KANK4: variants seen among roughly 807,000 people sequenced by gnomAD.
The protein encoded by KANK4 is KN motif and ankyrin repeat domains 4.
In KANK4, 50 loss-of-function variants were observed where a neutral mutation model predicts 80.8. The ratio of observed to expected loss-of-function variants is 0.62; its 90% CI spans 0.49 to 0.78. KANK4 has a LOEUF of 0.78. Among genes scored for constraint, KANK4 ranks in the 30% least tolerant of loss-of-function variants. KANK4 has a pLI of 0.00. For missense variants in KANK4, 1,196 were observed against 1,240.1 expected (o/e 0.96, Z 0.53); for synonymous variants, 465 against 506.9 (o/e 0.92, Z 1.11).
Position 62,247,562 on chromosome 1 carries a change from C to A in KANK4, c.2793G>T (p.Ser931=). The part of the protein sequence containing the change: ...DVNLQDHDGS[S]ALMVACHHGN... ...CATGGTGACAGGCCACCATGAGGGC[C>A]GAGGATCCATCGTGGTCCTGCAGAT... is the stretch of plus-strand genomic sequence containing the variant. The change falls in exon 9 of 10, where the codon TCG becomes TCT. Residue 931 remains serine (S), a synonymous_variant. Transcript: ENST00000371153. 1 of 1,614,002 alleles carries A rather than the reference C, an allele frequency of 6.2e-7. No individual in the cohort carries two copies. The highest frequency in any genetic ancestry group is 8.5e-7 in the Non-Finnish European group (1 of 1,180,006).
rs59753503 is a variant in KANK4, at chr1:62,247,061, A to AT, written c.2883+410dup. Among the ~76,000 whole-genome samples the AT allele has an allele frequency of 2.4e-3, 355 of 148,002 alleles. 9 individuals are homozygous for AT. The East Asian group carries it at 0.051, about 21-fold the overall frequency. ...CAGGTGTGAGCCATTGCACCAGGCT[A>AT]TTTTTTTTTTTAAGAGACAGGGTCT... On this transcript the variant is annotated intron_variant, in intron 9 of 9. Coordinates refer to ENST00000371153, the MANE Select transcript of KANK4 (RefSeq NM_181712.5).
At chr1:62,281,778 T>C (rs565438474) in intron 1 of KANK4, 144 bp from the exon 2 acceptor site, 13 of 620,284 alleles carry the variant, frequency 2.1e-5, no homozygotes, top group African/African-American at 1.1e-4. Flanking sequence ...AGGAGGAAGA[T>C]TAAAAACCTG....
chr1:62,251,198 T>G (rs948553569), intron 8 of KANK4, among the ~76,000 whole-genome samples: 2 of 152,210 alleles, frequency 1.3e-5, no homozygotes, highest in African/African-American at 2.4e-5. Flanking sequence ...CACTCCATGC[T>G]TAGCTTTGTG....
chr1:62,270,367 A>AT (rs1215114927), intron 4 of KANK4, among the ~76,000 whole-genome samples: 1 of 147,772 alleles, frequency 6.8e-6, no homozygotes, highest in Non-Finnish European at 1.5e-5. Context: ...CCAGTTCATC[A>AT]TTTTTTTTCT....
chr1:62,256,107 T>C lies in KANK4; in HGVS notation c.2540-2898A>G, dbSNP rs112219890. Among the ~76,000 whole-genome samples, 13 of 152,344 alleles carry C rather than the reference T, an allele frequency of 8.5e-5. 1 individual carries two copies. The highest frequency in any genetic ancestry group is 3.1e-4 in the African/African-American group (13 of 41,580). On this transcript the variant is annotated intron_variant, in intron 7 of 9. Transcript: ENST00000371153. ...GGCTATCATTAGTGTTAGTGTATTT[T>C]ATGTGTGGCCCAAGACAATTCTTCT...
chr1:62,318,117 A>G (rs1644557416), intron 1 of KANK4, among the ~76,000 whole-genome samples: 1 of 152,136 alleles, frequency 6.6e-6, no homozygotes, highest in Non-Finnish European at 1.5e-5. Context: ...GTTTAACTCA[A>G]GATGCTTTCT....
At chr1:62,262,922 A>G (rs1214856492) in intron 7 of KANK4, among the ~76,000 whole-genome samples, 170 bp downstream of exon 7, 2 of 152,184 alleles carry the variant, frequency 1.3e-5, no homozygotes, top group Non-Finnish European at 2.9e-5. Flanking sequence ...CATGTATGCT[A>G]TTTGGGTGAT....
intron 6 of KANK4, among the ~76,000 whole-genome samples, chr1:62,265,199 A>G (rs1671991046): frequency 6.6e-6 from 1 of 151,826 alleles, no homozygotes; most frequent in African/African-American, 2.4e-5. Flanking sequence ...AATAAGTGAC[A>G]GGAGTTTTGA....
chr1:62,240,805 T>C (rs962756913), intron 9 of KANK4, among the ~76,000 whole-genome samples: 2 of 152,162 alleles, frequency 1.3e-5, no homozygotes, highest in Non-Finnish European at 2.9e-5. Context: ...AAGCTGGCAG[T>C]CCCACTGTCT....
At position 62,274,745 on chromosome 1, in the gene KANK4, G is replaced by C; in HGVS notation, c.359C>G (p.Thr120Arg). The C allele has an allele frequency of 1.2e-6, 2 of 1,614,140 alleles. No homozygotes were observed. The highest frequency in any genetic ancestry group is 1.7e-6 in the Non-Finnish European group (2 of 1,180,008). The change falls in exon 3 of 10, where the codon ACA (threonine) becomes AGA (arginine). Residue 120 changes from threonine to arginine, a missense_variant. Coordinates refer to ENST00000371153, the MANE Select transcript of KANK4 (RefSeq NM_181712.5). Reference sequence around the variant, plus strand: ...GTGGTAGCTCACCTCACTCCTGCTTGTTGAGGCCTGGGGGGCATTACCAAG... The same window carrying C: ...GTGGTAGCTCACCTCACTCCTGCTTCTTGAGGCCTGGGGGGCATTACCAAG... The part of the protein sequence containing the change: ...PPLGNAPQAS[T>R]SRSEVSYHRK...
At chr1:62,313,863 AAAT>A (rs752146094) in intron 1 of KANK4, among the ~76,000 whole-genome samples, 96 of 146,600 alleles carry the variant, frequency 6.5e-4, no homozygotes, top group Middle Eastern at 3.6e-3. Context: ...GCTAAAAGTA[AAAT>A]AATAAATTTT....
intron 8 of KANK4, among the ~76,000 whole-genome samples, chr1:62,249,977 G>A (rs759124213): frequency 1.1e-4 from 17 of 151,380 alleles, no homozygotes; most frequent in Non-Finnish European, 2.2e-4. Context: ...CTGACTGTGT[G>A]TATATTTCTT....
intron 7 of KANK4, among the ~76,000 whole-genome samples, chr1:62,261,320 C>CA (rs1312979615): frequency 5.3e-5 from 8 of 151,928 alleles, no homozygotes. Flanking sequence ...CACTACCACC[C>CA]AGCTAATTTT....
At chr1:62,292,822 C>T (rs575234325) in intron 1 of KANK4, among the ~76,000 whole-genome samples, 5 of 152,286 alleles carry the variant, frequency 3.3e-5, no homozygotes, top group South Asian at 2.1e-4. Context: ...CCAACAGACA[C>T]GGGTTCAAAT....
intron 8 of KANK4, among the ~76,000 whole-genome samples, chr1:62,249,000 T>A (rs1671540655): frequency 7.3e-6 from 1 of 137,612 alleles, no homozygotes; most frequent in Admixed American, 7.2e-5. Context: ...CTGTCTCTAC[T>A]AAAAAAAAAA....
chr1:62,273,587 G>A lies in KANK4; in HGVS notation c.1517C>T (p.Thr506Ile). The A allele has an allele frequency of 1.2e-6, 2 of 1,614,046 alleles. No homozygotes were observed. The highest frequency in any genetic ancestry group is 1.7e-6 in the Non-Finnish European group (2 of 1,180,004). Reference protein sequence around the residue: ...STELRIEEAGTEQEGGPQGGT... With the variant: ...STELRIEEAGIEQEGGPQGGT... ...TCCCTGAGGGCCTCCTTCCTGTTCA[G>A]TGCCTGCTTCTTCAATCCTGAGTTC... The change falls in exon 3 of 10, where the codon ACT becomes ATT. Residue 506 changes from threonine to isoleucine, a missense_variant. Thr to Ile is a moderately conservative substitution (Grantham distance 89, BLOSUM62 -1). Coordinates refer to ENST00000371153, the MANE Select transcript of KANK4 (RefSeq NM_181712.5).
At chr1:62,275,605 G>C (rs950303079) in intron 2 of KANK4, among the ~76,000 whole-genome samples, 7 of 152,198 alleles carry the variant, frequency 4.6e-5, no homozygotes, top group African/African-American at 1.7e-4. Flanking sequence ...TAAAGCCGGA[G>C]GTATCAATGA....
chr1:62,260,425 T>C (rs1358590960), intron 7 of KANK4, among the ~76,000 whole-genome samples: 2 of 152,094 alleles, frequency 1.3e-5, no homozygotes, highest in Admixed American at 6.6e-5. Flanking sequence ...TCCCTGTCTC[T>C]GTCCCCCACC....
chr1:62,268,244 T>A (rs1172689209), intron 5 of KANK4, 43 bp downstream of exon 5: 1 of 1,526,928 alleles, frequency 6.5e-7, no homozygotes, highest in South Asian at 1.1e-5. Flanking sequence ...CCCTTGACCT[T>A]TTTCAGAGGA....
Sources: gnomAD v4.1 joint callset for allele counts (sites outside exome capture counted in the v4.1 genomes callset) on GRCh38, gnomAD v4.1.1 for gene constraint, MANE v1.5 for transcripts, NCBI Gene and HGNC (gene_info 2026-07-23, HGNC 2026-07-21) for gene names.